The following MAPT variants were observed in gnomAD, a reference collection of about 807,000 sequenced individuals.
MAPT encodes the protein microtubule-associated protein tau.
Under a neutral mutation model 67.9 loss-of-function variants are expected in MAPT, and 34 were observed. That is an observed-to-expected ratio of 0.50 (90% CI 0.38 to 0.67). The LOEUF (loss-of-function observed/expected upper bound fraction) is 0.67, where lower values mean the gene tolerates loss of function less well. Among genes scored for constraint, MAPT ranks in the 30% least tolerant of loss-of-function variants. MAPT has a pLI of 0.00. For synonymous variants in MAPT, 456 were observed against 464.5 expected (o/e 0.98, Z 0.23); for missense variants, 881 against 1,115.2 (o/e 0.79, Z 2.99).
At chr17:45,978,167 C>T (rs2072570007) in intron 3 of MAPT, 1 of 618,480 alleles carries the variant, frequency 1.6e-6, no homozygotes, top group Non-Finnish European at 2.9e-6. Context: ...CATGTGGGTG[C>T]TGTGCCTTTT....
intron 1 of MAPT, among the ~76,000 whole-genome samples, chr17:45,955,722 CTCCT>C (rs1231332020): frequency 7.1e-6 from 1 of 140,676 alleles, no homozygotes; most frequent in African/African-American, 2.5e-5. Flanking sequence ...GGCACAAACA[CTCCT>C]TCCTTTTTTT....
intron 4 of MAPT, chr17:45,980,594 A>G (rs899653547): frequency 6.6e-6 from 1 of 151,876 alleles, no homozygotes; most frequent in Non-Finnish European, 1.5e-5. Flanking sequence ...ATTGATACAC[A>G]CACACACACA....
chr17:45,942,752 C>T (rs947561219), intron 1 of MAPT, among the ~76,000 whole-genome samples: 6 of 152,208 alleles, frequency 3.9e-5, no homozygotes, highest in African/African-American at 2.4e-5. Flanking sequence ...AAAGTTTTAA[C>T]GATGGTAACC....
Position 45,996,383 on chromosome 17 carries a change from C to A in MAPT, c.1733-16C>A. ...CCCACTCGAGTCCTGGCTTCACTCC[C>A]TTCCTTCCTTCCCAGGTGAACCTCC... On this transcript the variant is annotated splice_polypyrimidine_tract_variant and intron_variant, in intron 8 of 12. Transcript: ENST00000262410. This position sits in a 1 kb window ranked among gnomAD's most constrained non-coding sequence, Gnocchi z 4.5. The A allele has an allele frequency of 3.1e-6, 5 of 1,609,310 alleles. No individual in the cohort carries two copies. Among genetic ancestry groups the A allele is most frequent in the Non-Finnish European group, 4.2e-6 (5 of 1,179,428 alleles).
chr17:45,922,993 A>G (rs1246044790), intron 1 of MAPT, among the ~76,000 whole-genome samples: 1 of 152,236 alleles, frequency 6.6e-6, no homozygotes, highest in Non-Finnish European at 1.5e-5. Context: ...AGTAGAACTC[A>G]TCTTGTGTCT....
In MAPT at chr17:45,934,198, G is replaced by C. The variant is rs562941706; in HGVS notation, c.-17-28123G>C. On this transcript the variant is annotated intron_variant, in intron 1 of 12. Coordinates refer to ENST00000262410, the MANE Select transcript of MAPT (RefSeq NM_001377265.1). ...TACAGTAAATTTTAAAAATTAGCCA[G>C]GCATGGTAGCATTCACCTGTAGTCT... 6.6e-5 allele frequency among the ~76,000 whole-genome samples: 10 copies of C among 152,170 alleles called. No individual in the cohort carries two copies. In the East Asian group the frequency reaches 1.9e-3, roughly 29 times the overall value.
rs887832771 is a variant in MAPT, at chr17:46,024,277, C to T, written c.*106C>T. The T allele has an allele frequency of 2.2e-5, 23 of 1,039,062 alleles. No homozygotes were observed. The Admixed American group carries it at 4.1e-4, about 19-fold the overall frequency. 64.4% of individuals were successfully genotyped at this position (1,039,062 alleles called of 1,614,324 possible). A position where few individuals can be genotyped will look rare whatever the true frequency, so the allele number is the denominator to read the frequency against. On this transcript the variant is annotated 3_prime_UTR_variant, in exon 13 of 13. Transcript: ENST00000262410. Reference sequence around the variant, plus strand: ...CCGCCCTCTGCCCCCAGCTGCTCCTCGCAGTTCGGTTAATTGGTTAATCAC... The same window carrying T: ...CCGCCCTCTGCCCCCAGCTGCTCCTTGCAGTTCGGTTAATTGGTTAATCAC...
At chr17:45,994,685 AT>A (rs1223928757) in intron 8 of MAPT, among the ~76,000 whole-genome samples, 1 of 152,164 alleles carries the variant, frequency 6.6e-6, no homozygotes, top group Non-Finnish European at 1.5e-5. Context: ...TAAAAAAGAC[AT>A]GGAAGTCAAA....
intron 1 of MAPT, among the ~76,000 whole-genome samples, chr17:45,907,169 G>A (rs909503085): frequency 2.0e-5 from 3 of 152,042 alleles, no homozygotes; most frequent in South Asian, 2.1e-4. Context: ...GCCCAGTCCC[G>A]CCTCCTGCCA....
At chr17:45,919,567 C>T (rs2316776) in intron 1 of MAPT, among the ~76,000 whole-genome samples, 17,676 of 152,202 alleles carry the variant, frequency 0.12, 1,354 homozygotes, top group South Asian at 0.26. Context: ...CTACCTTCCC[C>T]CACTGCTGGG....
intron 5 of MAPT, among the ~76,000 whole-genome samples, chr17:45,985,235 G>A (rs2073421771): frequency 6.6e-6 from 1 of 152,158 alleles, no homozygotes; most frequent in African/African-American, 2.4e-5. Flanking sequence ...AACCCAGGAG[G>A]CAGAGGTTAC....
intron 6 of MAPT, among the ~76,000 whole-genome samples, chr17:45,988,375 G>A (rs919463): frequency 0.19 from 28,354 of 152,160 alleles, 3,064 homozygotes; most frequent in East Asian, 0.49. Flanking sequence ...TTTGTTTCCC[G>A]AGAGTGTGAC....
At chr17:45,926,981 A>G (rs1255685262) in intron 1 of MAPT, among the ~76,000 whole-genome samples, 1 of 151,338 alleles carries the variant, frequency 6.6e-6, no homozygotes, top group Non-Finnish European at 1.5e-5. Flanking sequence ...ATATGTGTAT[A>G]TATATACACA....
chr17:46,012,332 C>T lies in MAPT; in HGVS notation c.2092-1911C>T, dbSNP rs1445282479. Among the ~76,000 whole-genome samples, 5 of 152,030 alleles carry T rather than the reference C, an allele frequency of 3.3e-5. No individual in the cohort carries two copies. The East Asian group carries it at 5.8e-4, about 18-fold the overall frequency. On this transcript the variant is annotated intron_variant, in intron 10 of 12. Transcript: ENST00000262410. ...GTGTGTCCCGCGCTGTGTTCATCTG[C>T]GGGCTAGCCTGTGACCCGCGCTGTG...
At chr17:45,930,753 G>A (rs1006523613) in intron 1 of MAPT, among the ~76,000 whole-genome samples, 22 of 152,240 alleles carry the variant, frequency 1.4e-4, no homozygotes, top group African/African-American at 4.3e-4. Context: ...GGTGAACGCC[G>A]TTCAGAAATT....
At chr17:45,986,450 T>G (rs960780107) in intron 5 of MAPT, among the ~76,000 whole-genome samples, 1 of 152,178 alleles carries the variant, frequency 6.6e-6, no homozygotes, top group Admixed American at 6.5e-5. Flanking sequence ...TCTAGCCACA[T>G]GGGCAGGGGA....
chr17:46,010,571 C>T lies in MAPT; in HGVS notation c.2091+169C>T, dbSNP rs545802682. On this transcript the variant is annotated intron_variant, in intron 10 of 12. Transcript: ENST00000262410. This position sits in a 1 kb window ranked among gnomAD's most constrained non-coding sequence, Gnocchi z 4.7. ...GCCCGGCTCCCCACATTCCCCCACA[C>T]GGTCCACTGTTCCCAGAAGCCCCTT... Among the ~76,000 whole-genome samples the T allele has an allele frequency of 1.3e-5, 2 of 152,336 alleles. No individual in the cohort carries two copies. Among genetic ancestry groups the T allele is most frequent in the African/African-American group, 4.8e-5 (2 of 41,592 alleles).
At chr17:46,014,882 C>CAAAAAAAAAA (rs1254513618) in intron 11 of MAPT, among the ~76,000 whole-genome samples, 20 of 127,540 alleles carry the variant, frequency 1.6e-4, no homozygotes, top group South Asian at 5.2e-4. Context: ...GACTCCGTCT[C>CAAAAAAAAAA]AAAAAAAAAA....
intron 9 of MAPT, chr17:45,999,127 A>C: frequency 1.6e-5 from 21 of 1,306,204 alleles, no homozygotes; most frequent in Non-Finnish European, 1.9e-5. Context: ...ATGGTGGGGA[A>C]TGTCCTTCTC....
Sources: allele counts gnomAD v4.1 joint callset (sites outside exome capture counted in the v4.1 genomes callset), GRCh38; gene constraint gnomAD v4.1.1; non-coding constraint Gnocchi (gnomAD v3.1); transcripts MANE v1.5; gene names NCBI Gene and HGNC (gene_info 2026-07-23, HGNC 2026-07-21).